The following COL21A1 variants were observed in gnomAD, a reference collection of about 807,000 sequenced individuals.
COL21A1 encodes the protein collagen alpha-1(XXI) chain.
A neutral mutation model predicts 137.9 loss-of-function variants in COL21A1; 149 were observed. That is an observed-to-expected ratio of 1.08 (90% CI 0.95 to 1.24). The LOEUF is 1.24. Among genes scored for constraint, COL21A1 ranks in the 50% most tolerant of loss-of-function variants. The probability of loss-of-function intolerance (pLI) is 0.00; values close to 1 mark genes in which losing one functional copy is unlikely to be tolerated. For missense variants in COL21A1, 1,167 were observed against 1,158.4 expected (o/e 1.01, Z -0.11); for synonymous variants, 456 against 391.5 (o/e 1.16, Z -1.95).
chr6:56,068,976 T>G, intron 22 of COL21A1, 70 bp downstream of exon 22: 1 of 1,000,750 alleles, frequency 1.0e-6, no homozygotes, highest in Middle Eastern at 2.1e-4. Flanking sequence ...ACTTTAAGAA[T>G]TTCACAAAAG....
chr6:56,251,425 C>T (rs987450049), upstream of COL21A1, among the ~76,000 whole-genome samples: 11 of 152,002 alleles, frequency 7.2e-5, no homozygotes, highest in African/African-American at 2.4e-4. Context: ...CGAATGAATA[C>T]CTAATGTGAC....
intron 22 of COL21A1, 139 bp from the exon 23 acceptor site, chr6:56,067,469 C>T (rs1766368289): frequency 1.7e-6 from 1 of 585,042 alleles, no homozygotes; most frequent in East Asian, 3.0e-5. Flanking sequence ...AAGTTGACTC[C>T]TAACACAATA....
chr6:56,189,116 A>G (rs2328675), intron 1 of COL21A1, among the ~76,000 whole-genome samples: 98,581 of 151,826 alleles, frequency 0.65, 32,401 homozygotes, highest in East Asian at 0.86. Flanking sequence ...CAGAGAATGA[A>G]TTTGACGAAT....
intron 1 of COL21A1, among the ~76,000 whole-genome samples, chr6:56,261,457 C>A (rs1763273652): frequency 1.3e-5 from 2 of 152,070 alleles, no homozygotes; most frequent in Non-Finnish European, 2.9e-5. Flanking sequence ...AAGGGCAGAG[C>A]CCTCATGAAT....
intron 1 of COL21A1, among the ~76,000 whole-genome samples, chr6:56,272,307 A>G (rs1763547863): frequency 6.6e-6 from 1 of 152,214 alleles, no homozygotes; most frequent in Non-Finnish European, 1.5e-5. Context: ...AGATTTAATG[A>G]GTGCCCTGCC....
intron 1 of COL21A1, among the ~76,000 whole-genome samples, chr6:56,263,085 C>G (rs1272026879): frequency 6.6e-6 from 1 of 152,218 alleles, no homozygotes; most frequent in Admixed American, 6.5e-5. Flanking sequence ...CCCAACCACT[C>G]CGCTCCTGCA....
chr6:56,383,356 T>C (rs1475335096), intron 1 of COL21A1, among the ~76,000 whole-genome samples: 3 of 152,238 alleles, frequency 2.0e-5, no homozygotes, highest in Non-Finnish European at 4.4e-5. Flanking sequence ...AGCACTATCA[T>C]ACTGGGATTA....
At chr6:56,106,302 G>C (rs1770883262) in intron 16 of COL21A1, among the ~76,000 whole-genome samples, 1 of 152,118 alleles carries the variant, frequency 6.6e-6, no homozygotes, top group African/African-American at 2.4e-5. Flanking sequence ...GTAAACAGGA[G>C]TCCTTCATTC....
chr6:56,250,407 T>C (rs1421267801), upstream of COL21A1, among the ~76,000 whole-genome samples: 2 of 152,150 alleles, frequency 1.3e-5, no homozygotes, highest in Non-Finnish European at 2.9e-5. Context: ...AAAGCTATCA[T>C]CCATGTAATG....
chr6:56,114,518 G>A (rs1771735782), intron 16 of COL21A1, among the ~76,000 whole-genome samples: 1 of 152,132 alleles, frequency 6.6e-6, no homozygotes. Flanking sequence ...CGAAGGACAT[G>A]AACAGACACT....
chr6:56,365,135 A>T (rs781604254), intron 1 of COL21A1, among the ~76,000 whole-genome samples: 1 of 152,180 alleles, frequency 6.6e-6, no homozygotes, highest in African/African-American at 2.4e-5. Context: ...CAAATTTATC[A>T]GGAATAAAAA....
chr6:56,081,743 C>T (rs1314375855), intron 17 of COL21A1, among the ~76,000 whole-genome samples: 1 of 151,804 alleles, frequency 6.6e-6, no homozygotes, highest in African/African-American at 2.4e-5. Context: ...TGTAATTAAT[C>T]TTTAAGGAAA....
intron 1 of COL21A1, among the ~76,000 whole-genome samples, chr6:56,246,921 T>C (rs1352386959): frequency 1.3e-5 from 2 of 152,114 alleles, no homozygotes; most frequent in Non-Finnish European, 2.9e-5. Context: ...TGCTCAAGCA[T>C]CGATTTTTTT....
chr6:56,201,616 G>A (rs1044587377), intron 1 of COL21A1, among the ~76,000 whole-genome samples: 1 of 152,058 alleles, frequency 6.6e-6, no homozygotes, highest in African/African-American at 2.4e-5. Context: ...GATAGTTGTA[G>A]ATATGCGGCA....
At chr6:56,115,646 A>C (rs1194728239) in intron 16 of COL21A1, among the ~76,000 whole-genome samples, 1 of 152,196 alleles carries the variant, frequency 6.6e-6, no homozygotes, top group Non-Finnish European at 1.5e-5. Flanking sequence ...AACACCATTC[A>C]GGAAAACATG....
chr6:56,291,804 T>A (rs1030124424), intron 1 of COL21A1, among the ~76,000 whole-genome samples: 3 of 152,222 alleles, frequency 2.0e-5, no homozygotes, highest in African/African-American at 7.2e-5. Context: ...ATCCCCATTT[T>A]AAAATAATCA....
intron 16 of COL21A1, among the ~76,000 whole-genome samples, chr6:56,113,206 CCA>C (rs1771608311): frequency 6.6e-6 from 1 of 152,172 alleles, no homozygotes; most frequent in Admixed American, 6.5e-5. Flanking sequence ...ATACTGAGAC[CCA>C]CATTGGGGCA....
At chr6:56,135,415 A>G (rs1452054497) in intron 12 of COL21A1, among the ~76,000 whole-genome samples, 1 of 152,148 alleles carries the variant, frequency 6.6e-6, no homozygotes, top group African/African-American at 2.4e-5. Context: ...AACCAGTATC[A>G]TTTCTAAACT....
intron 1 of COL21A1, among the ~76,000 whole-genome samples, chr6:56,327,988 T>A (rs1051920327): frequency 6.6e-6 from 1 of 152,026 alleles, no homozygotes; most frequent in African/African-American, 2.4e-5. Context: ...AGTAGCTATT[T>A]CGTGGATATA....
Sources: gnomAD v4.1 joint callset for allele counts (sites outside exome capture counted in the v4.1 genomes callset) on GRCh38, gnomAD v4.1.1 for gene constraint, MANE v1.5 for transcripts, NCBI Gene and HGNC (gene_info 2026-07-23, HGNC 2026-07-21) for gene names.